ABCC8: variants seen among roughly 807,000 people sequenced by gnomAD.
The protein encoded by ABCC8 is ATP-binding cassette sub-family C member 8.
In ABCC8, 137 loss-of-function variants were observed where a neutral mutation model predicts 188.0. The observed-to-expected ratio is 0.73, with a 90% CI of 0.63 to 0.84. The LOEUF (loss-of-function observed/expected upper bound fraction) is 0.84. Ranked by LOEUF, ABCC8 falls within the 40% of genes least tolerant of loss-of-function variation. ABCC8 has a pLI of 0.00. For missense variants in ABCC8, 1,750 were observed against 2,072.7 expected, an observed-to-expected ratio of 0.84 and a Z score of 3.02; for synonymous variants, 797 against 846.5, an observed-to-expected ratio of 0.94 and a Z score of 1.01.
intron 8 of ABCC8, chr11:17,448,151 T>C (rs1956611723): frequency 4.0e-6 from 1 of 249,248 alleles, no homozygotes; most frequent in East Asian, 9.3e-5. Flanking sequence ...GGTCTCACTG[T>C]GTTGCCCAGG....
chr11:17,459,046 T>A (rs748091929), intron 6 of ABCC8, among the ~76,000 whole-genome samples: 1 of 152,110 alleles, frequency 6.6e-6, no homozygotes, highest in Non-Finnish European at 1.5e-5. Context: ...GACTGTGGAG[T>A]GAGTCTTGTG....
At chr11:17,433,161 G>A (rs1001187093) in intron 10 of ABCC8, among the ~76,000 whole-genome samples, 1 of 152,124 alleles carries the variant, frequency 6.6e-6, no homozygotes, top group African/African-American at 2.4e-5. Context: ...ACAGTGCCCT[G>A]ACCCCAGGCC....
chr11:17,475,505 T>C (rs919957951), intron 1 of ABCC8, among the ~76,000 whole-genome samples: 19 of 152,204 alleles, frequency 1.2e-4, no homozygotes, highest in Admixed American at 9.8e-4. Context: ...ATTACAGATG[T>C]AAGCCACTGT....
At chr11:17,460,781 T>A (rs886290) in intron 5 of ABCC8, 105 bp from the exon 6 acceptor site, 1 of 1,556,878 alleles carries the variant, frequency 6.4e-7, no homozygotes, top group Non-Finnish European at 8.6e-7. Flanking sequence ...GGAAACCCAG[T>A]GGTCACATCC....
chr11:17,407,231 A>G, intron 24 of ABCC8, 102 bp from the exon 25 acceptor site: 1 of 1,608,764 alleles, frequency 6.2e-7, no homozygotes, highest in East Asian at 2.2e-5. Flanking sequence ...ACGGGGGCAC[A>G]CAGAGGGAAG....
chr11:17,408,533 C>T lies in ABCC8; in HGVS notation c.2695-16G>A. On this transcript the variant is annotated splice_polypyrimidine_tract_variant and intron_variant, in intron 22 of 38. Transcript: ENST00000389817. ...TGGCAATGATCTGGAAAGGCAGCAA[C>T]AAACGTGGTTTGGGGGCTGGCTGGG... 2 of 1,606,098 alleles carry T rather than the reference C, an allele frequency of 1.2e-6. No homozygotes were observed. The highest frequency in any genetic ancestry group is 1.7e-6 in the Non-Finnish European group (2 of 1,177,904).
chr11:17,471,456 G>A (rs1423972698), intron 2 of ABCC8, among the ~76,000 whole-genome samples: 1 of 152,172 alleles, frequency 6.6e-6, no homozygotes, highest in Non-Finnish European at 1.5e-5. Flanking sequence ...AGGCAATGTG[G>A]GCTGTCCACC....
intron 16 of ABCC8, among the ~76,000 whole-genome samples, chr11:17,426,545 A>G (rs1419779342): frequency 6.6e-6 from 1 of 152,168 alleles, no homozygotes; most frequent in Non-Finnish European, 1.5e-5. Flanking sequence ...TTGCCCAGAA[A>G]CCAACATTTA....
chr11:17,406,994 T>A lies in ABCC8; in HGVS notation c.3056A>T (p.Gln1019Leu). The change falls in exon 25 of 39, where the codon CAG becomes CTG. Residue 1019 changes from glutamine to leucine, a missense_variant. Physicochemically the swap from Gln to Leu is moderately radical, Grantham distance 113 (BLOSUM62 -2). Coordinates refer to ENST00000389817, the MANE Select transcript of ABCC8 (RefSeq NM_000352.6). The stretch of plus-strand genomic sequence containing the variant: ...CACCAGGACCATGTGCTTGAGCAGC[T>A]GTGAGAAGACCAGCAACGACAGGAG... ...ILLLSLLVFS[Q>L]LLKHMVLVAI... 6.2e-7 allele frequency: 1 copy of A among 1,614,188 alleles called. No individual in the cohort carries two copies. The highest frequency in any genetic ancestry group is 1.3e-5 in the African/African-American group (1 of 75,050).
chr11:17,462,911 G>T (rs1591893775), intron 4 of ABCC8, among the ~76,000 whole-genome samples: 1 of 152,146 alleles, frequency 6.6e-6, no homozygotes, highest in Non-Finnish European at 1.5e-5. Flanking sequence ...AGACACATAT[G>T]GTATTATACT....
intron 21 of ABCC8, 81 bp from the exon 22 acceptor site, chr11:17,410,734 A>G: frequency 1.3e-6 from 2 of 1,590,670 alleles, no homozygotes; most frequent in Non-Finnish European, 1.7e-6. Flanking sequence ...AAAACCCATT[A>G]GAGTTCTATC....
intron 26 of ABCC8, 92 bp downstream of exon 26, chr11:17,406,530 G>A (rs1220199620): frequency 7.4e-6 from 10 of 1,343,764 alleles, no homozygotes; most frequent in African/African-American, 1.4e-5. Flanking sequence ...GCTTGTGACA[G>A]GTTGTATATC....
Position 17,434,672 on chromosome 11 carries a change from G to T in ABCC8, c.1631-2428C>A, listed in dbSNP as rs1273503452. ...CTACTGCACATTTTCCCTGGTCATG[G>T]TTTTTTTAATTTAATTTTTTTCAAT... On this transcript the variant is annotated intron_variant, in intron 10 of 38. Coordinates refer to ENST00000389817, the MANE Select transcript of ABCC8 (RefSeq NM_000352.6). 1.6e-4 allele frequency among the ~76,000 whole-genome samples: 24 copies of T among 152,178 alleles called. 1 individual carries two copies. In the East Asian group the frequency reaches 4.6e-3, roughly 29 times the overall value.
At chr11:17,402,195 C>T (rs112366618) in intron 29 of ABCC8, among the ~76,000 whole-genome samples, 2,864 of 152,220 alleles carry the variant, frequency 0.019, 54 homozygotes, top group African/African-American at 0.044. Flanking sequence ...GGTTATAGAA[C>T]GTCTCTGTGC....
intron 3 of ABCC8, among the ~76,000 whole-genome samples, chr11:17,466,617 C>CT (rs375530526): frequency 1.0e-4 from 13 of 128,064 alleles, no homozygotes; most frequent in South Asian, 4.6e-4. Context: ...TGTGAATATA[C>CT]TTTTTTTTTC....
At chr11:17,436,786 C>A (rs562898653) in intron 10 of ABCC8, among the ~76,000 whole-genome samples, 1 of 152,070 alleles carries the variant, frequency 6.6e-6, no homozygotes, top group East Asian at 1.9e-4. Flanking sequence ...CAAAAATATC[C>A]CTTAAGACTT....
At position 17,442,518 on chromosome 11, in the gene ABCC8, C is replaced by T. The variant is rs1244549836; in HGVS notation, c.1630+202G>A. 3.9e-5 allele frequency among the ~76,000 whole-genome samples: 6 copies of T among 152,198 alleles called. No homozygotes were observed. The East Asian group carries it at 1.2e-3, about 29-fold the overall frequency. ...TCCAGCACATAGCAGGCTTTCCATG[C>T]ATGTTTGTTGGATAAATGAATGAAG... On this transcript the variant is annotated intron_variant, in intron 10 of 38. Coordinates refer to ENST00000389817, the MANE Select transcript of ABCC8 (RefSeq NM_000352.6).
chr11:17,428,108 C>T (rs1564923746), intron 14 of ABCC8, 166 bp from the exon 15 acceptor site: 2 of 1,573,232 alleles, frequency 1.3e-6, no homozygotes, highest in Non-Finnish European at 1.7e-6. Flanking sequence ...CATGCTGACC[C>T]TTGCCTAAGG....
chr11:17,443,885 G>A (rs1236804228), intron 8 of ABCC8, among the ~76,000 whole-genome samples: 1 of 152,148 alleles, frequency 6.6e-6, no homozygotes, highest in East Asian at 1.9e-4. Flanking sequence ...GCCTACTTCT[G>A]AATATTTATG....
Sources: allele counts gnomAD v4.1 joint callset (sites outside exome capture counted in the v4.1 genomes callset), GRCh38; gene constraint gnomAD v4.1.1; transcripts MANE v1.5; gene names NCBI Gene and HGNC (gene_info 2026-07-23, HGNC 2026-07-21).